MBNL2: variants seen among roughly 807,000 people sequenced by gnomAD.
MBNL2 encodes muscleblind like splicing regulator 2, also known as muscleblind-like protein 2.
Under a neutral mutation model 41.9 loss-of-function variants are expected in MBNL2, and 17 were observed. That is an observed-to-expected ratio of 0.41 (90% CI 0.28 to 0.61). The LOEUF (loss-of-function observed/expected upper bound fraction) is 0.61. MBNL2 is among the 20% of genes least tolerant of loss of function. The pLI is 0.35. For missense variants in MBNL2, 336 were observed against 505.6 expected (o/e 0.66, Z 3.22); for synonymous variants, 195 against 182.9 (o/e 1.07, Z -0.53).
intron 5 of MBNL2, among the ~76,000 whole-genome samples, chr13:97,352,518 T>C (rs1376270443): frequency 6.6e-6 from 1 of 152,148 alleles, no homozygotes; most frequent in African/African-American, 2.4e-5. Flanking sequence ...TCGATTAAGT[T>C]TGTGGCATGG....
At chr13:97,198,299 T>C in the MBNL2 span, among the ~76,000 whole-genome samples, 2 of 151,820 alleles carry the variant, frequency 1.3e-5, no homozygotes, top group African/African-American at 4.8e-5. Flanking sequence ...TGTTCTTGCC[T>C]TCAGACTCAA....
intron 2 of MBNL2, among the ~76,000 whole-genome samples, chr13:97,283,826 A>G (rs1251554722): frequency 6.6e-6 from 1 of 152,188 alleles, no homozygotes; most frequent in Non-Finnish European, 1.5e-5. Flanking sequence ...AGAAACATGC[A>G]GCTTTCAGGA....
rs184547897 is a variant in MBNL2, at chr13:97,247,202, G to A, written c.-605+24671G>A. 3.3e-5 allele frequency among the ~76,000 whole-genome samples: 5 copies of A among 152,220 alleles called. No individual in the cohort carries two copies. The East Asian group carries it at 7.7e-4, about 23-fold the overall frequency. ...TTAACTAACACATGAAGAGAGCTTC[G>A]AGATTGTCTAGTATGTTTCTTTACA... On this transcript the variant is annotated intron_variant, in intron 1 of 8. Transcript: ENST00000679496.
chr13:97,211,343 G>A, the MBNL2 span, among the ~76,000 whole-genome samples: 1 of 152,192 alleles, frequency 6.6e-6, no homozygotes, highest in Non-Finnish European at 1.5e-5. Context: ...TGGGGGTATA[G>A]AGCAGGAGTG....
At chr13:97,143,580 T>C in the MBNL2 span, among the ~76,000 whole-genome samples, 2 of 152,262 alleles carry the variant, frequency 1.3e-5, no homozygotes, top group African/African-American at 4.8e-5. Flanking sequence ...CAAGTAAATG[T>C]ACTCACCTTT....
At chr13:97,367,687 C>T (rs2063971894) in intron 8 of MBNL2, among the ~76,000 whole-genome samples, 1 of 152,150 alleles carries the variant, frequency 6.6e-6, no homozygotes, top group Non-Finnish European at 1.5e-5. Flanking sequence ...ACAGTGCTGA[C>T]TGTGGCCTCA....
At chr13:97,327,357 C>G (rs1032691157) in intron 2 of MBNL2, among the ~76,000 whole-genome samples, 68 of 152,026 alleles carry the variant, frequency 4.5e-4, no homozygotes, top group African/African-American at 1.6e-3. Flanking sequence ...ACTGTTGTTT[C>G]ATGTGGCTTT....
chr13:97,300,923 A>G (rs1232279087), intron 2 of MBNL2, among the ~76,000 whole-genome samples: 1 of 152,232 alleles, frequency 6.6e-6, no homozygotes, highest in African/African-American at 2.4e-5. Flanking sequence ...TACAGTAGGA[A>G]GTTGGAGTGA....
chr13:97,266,323 A>T (rs1435811967), intron 1 of MBNL2, among the ~76,000 whole-genome samples: 1 of 152,260 alleles, frequency 6.6e-6, no homozygotes, highest in African/African-American at 2.4e-5. Flanking sequence ...CATTAAAAGA[A>T]ATCTCTTTTG....
At chr13:97,308,395 T>C (rs1594189389) in intron 2 of MBNL2, among the ~76,000 whole-genome samples, 2 of 152,174 alleles carry the variant, frequency 1.3e-5, no homozygotes, top group Admixed American at 1.3e-4. Context: ...GGATAACAAA[T>C]CCATCCCCTC....
chr13:97,224,706 C>T (rs1159056401), intron 1 of MBNL2, among the ~76,000 whole-genome samples: 3 of 150,782 alleles, frequency 2.0e-5, no homozygotes, highest in Non-Finnish European at 4.4e-5. Flanking sequence ...GATAAAACCT[C>T]GGTATTAAGA....
intron 2 of MBNL2, among the ~76,000 whole-genome samples, chr13:97,312,529 T>G (rs1046986460): frequency 1.3e-5 from 2 of 152,226 alleles, no homozygotes; most frequent in Admixed American, 6.5e-5. Context: ...GCAAAATTCC[T>G]GGATCATGAA....
chr13:97,361,200 G>A (rs2063362777), intron 7 of MBNL2, among the ~76,000 whole-genome samples: 1 of 152,204 alleles, frequency 6.6e-6, no homozygotes, highest in African/African-American at 2.4e-5. Flanking sequence ...TCTGCCTTCA[G>A]CATGTGCACC....
At chr13:97,325,634 G>A (rs768335394) in intron 2 of MBNL2, among the ~76,000 whole-genome samples, 1 of 152,184 alleles carries the variant, frequency 6.6e-6, no homozygotes, top group Non-Finnish European at 1.5e-5. Flanking sequence ...GGAGGCTGAC[G>A]TAGGAGAATT....
chr13:97,285,633 A>T (rs1325393955), intron 2 of MBNL2, among the ~76,000 whole-genome samples: 3 of 152,250 alleles, frequency 2.0e-5, no homozygotes, highest in Non-Finnish European at 4.4e-5. Flanking sequence ...GGATGGATTC[A>T]GCCAGTAGAC....
the MBNL2 span, among the ~76,000 whole-genome samples, chr13:97,195,392 G>A: frequency 6.6e-6 from 1 of 152,116 alleles, no homozygotes; most frequent in Admixed American, 6.5e-5. Context: ...CTGCTCTCCT[G>A]TAGACTGTGT....
chr13:97,187,240 A>G, the MBNL2 span, among the ~76,000 whole-genome samples: 3 of 152,274 alleles, frequency 2.0e-5, no homozygotes, highest in South Asian at 6.2e-4. Context: ...TCTGTTTATA[A>G]AAGATAGTCT....
At chr13:97,285,893 C>A (rs1012559456) in intron 2 of MBNL2, among the ~76,000 whole-genome samples, 1 of 152,146 alleles carries the variant, frequency 6.6e-6, no homozygotes, top group Non-Finnish European at 1.5e-5. Context: ...TCCTTCTGAC[C>A]TCTAAATACT....
chr13:97,336,414 G>A lies in MBNL2; in HGVS notation c.339+1974G>A, dbSNP rs143610146. Among the ~76,000 whole-genome samples the A allele has an allele frequency of 3.8e-4, 58 of 152,160 alleles. 1 individual carries two copies. The East Asian group carries it at 0.011, about 28-fold the overall frequency. ...TAAATGTCACCTTATAAGGAATCAGGGGCTTGACAGATGGGATTAAATTAA... is the reference window on the plus strand; with the variant it reads ...TAAATGTCACCTTATAAGGAATCAGAGGCTTGACAGATGGGATTAAATTAA... On this transcript the variant is annotated intron_variant, in intron 3 of 8. Transcript: ENST00000679496.
Sources: gnomAD v4.1 joint callset for allele counts (sites outside exome capture counted in the v4.1 genomes callset) on GRCh38, gnomAD v4.1.1 for gene constraint, MANE v1.5 for transcripts, NCBI Gene and HGNC (gene_info 2026-07-23, HGNC 2026-07-21) for gene names.